NRXN3: variants seen among roughly 807,000 people sequenced by gnomAD.
NRXN3 encodes the protein neurexin III.
In NRXN3, 32 loss-of-function variants were observed where a neutral mutation model predicts 137.6. That is an observed-to-expected ratio of 0.23 (90% confidence interval 0.18 to 0.31). The LOEUF is 0.31. NRXN3 is among the 10% of genes least tolerant of loss of function. The probability of loss-of-function intolerance (pLI) is 1.00; values close to 1 mark genes in which losing one functional copy is unlikely to be tolerated. For missense variants in NRXN3, 1,574 were observed against 2,062.5 expected (o/e 0.76, Z 4.59); for synonymous variants, 798 against 784.5 (o/e 1.02, Z -0.29).
At chr14:78,234,045 C>T (rs1415713411) in intron 1 of NRXN3, among the ~76,000 whole-genome samples, 1 of 152,178 alleles carries the variant, frequency 6.6e-6, no homozygotes, top group African/African-American at 2.4e-5. Context: ...GAGTAGGTCT[C>T]ATGAGATATG....
chr14:78,996,441 T>G (rs2099530253), intron 15 of NRXN3, among the ~76,000 whole-genome samples: 1 of 152,214 alleles, frequency 6.6e-6, no homozygotes, highest in African/African-American at 2.4e-5. Flanking sequence ...TCTTAATGCC[T>G]CAGGGAAAGT....
At chr14:78,170,956 T>C (rs1460619487) in intron 1 of NRXN3, among the ~76,000 whole-genome samples, 1,155 of 71,362 alleles carry the variant, frequency 0.016, 9 homozygotes, top group African/African-American at 0.057. Context: ...CTTCTTCTTT[T>C]TTTTTTTTTT....
At chr14:79,574,432 T>C (rs1340364950) in intron 16 of NRXN3, among the ~76,000 whole-genome samples, 1 of 152,210 alleles carries the variant, frequency 6.6e-6, no homozygotes, top group African/African-American at 2.4e-5. Context: ...GTATTTATCT[T>C]TGTACTATTA....
chr14:79,077,356 C>T (rs1235185792), intron 15 of NRXN3, among the ~76,000 whole-genome samples: 2 of 152,146 alleles, frequency 1.3e-5, no homozygotes, highest in African/African-American at 4.8e-5. Flanking sequence ...GGGAAGTGTC[C>T]ACACGATGTT....
intron 16 of NRXN3, among the ~76,000 whole-genome samples, chr14:79,563,627 C>G (rs533417799): frequency 2.0e-5 from 3 of 150,474 alleles, no homozygotes; most frequent in Admixed American, 2.0e-4. Context: ...AAATAAATTC[C>G]TATTCTATCA....
intron 16 of NRXN3, among the ~76,000 whole-genome samples, chr14:79,470,733 G>C (rs1256655576): frequency 6.6e-6 from 1 of 152,134 alleles, no homozygotes; most frequent in Non-Finnish European, 1.5e-5. Context: ...TTGAATATGA[G>C]TGTTCTTTAT....
chr14:79,206,662 C>T (rs2066838020), intron 15 of NRXN3, among the ~76,000 whole-genome samples: 1 of 152,210 alleles, frequency 6.6e-6, no homozygotes, highest in Non-Finnish European at 1.5e-5. Flanking sequence ...TTGTCAATAA[C>T]ATCCCAGTGC....
At chr14:78,872,187 T>G (rs1480982966) in intron 10 of NRXN3, among the ~76,000 whole-genome samples, 1 of 150,186 alleles carries the variant, frequency 6.7e-6, no homozygotes, top group Non-Finnish European at 1.5e-5. Flanking sequence ...ATATCCTCAA[T>G]TTTATCTTCC....
At chr14:78,506,597 A>AT (rs1197428283) in intron 4 of NRXN3, among the ~76,000 whole-genome samples, 1 of 150,486 alleles carries the variant, frequency 6.6e-6, no homozygotes, top group African/African-American at 2.4e-5. Flanking sequence ...TTTTTGGATA[A>AT]TAACCACCCT....
rs1170094469 is a variant in NRXN3 at position 79,867,596 on chromosome 14, T to C, written c.*5632T>C. The C allele has an allele frequency of 1.3e-5, 2 of 152,172 alleles. No individual in the cohort carries two copies. The highest frequency in any genetic ancestry group is 3.8e-4 in the East Asian group (2 of 5,196). The allele number at this position is 152,172 out of a possible 1,614,324, so 9.4% of individuals were successfully genotyped here. A position where few individuals can be genotyped will look rare whatever the true frequency, so the allele number is the denominator to read the frequency against. The stretch of plus-strand genomic sequence containing the variant: ...ACTTCCTAAAGACACTACCTCCCAA[T>C]ACAGTCATGTTTGGGGTTGGGACTT... On this transcript the variant is annotated 3_prime_UTR_variant, in exon 21 of 21. Transcript: ENST00000335750.
chr14:79,483,933 T>G (rs1156547845), intron 16 of NRXN3, among the ~76,000 whole-genome samples: 2 of 152,240 alleles, frequency 1.3e-5, no homozygotes, highest in African/African-American at 2.4e-5. Flanking sequence ...ATTCACACTC[T>G]ACCATCTGGA....
At chr14:79,114,585 T>C (rs1045718314) in intron 15 of NRXN3, among the ~76,000 whole-genome samples, 2 of 152,248 alleles carry the variant, frequency 1.3e-5, no homozygotes, top group African/African-American at 4.8e-5. Context: ...TTACTTAAAA[T>C]AAACTATCAC....
At chr14:79,538,346 T>C (rs991405494) in intron 16 of NRXN3, among the ~76,000 whole-genome samples, 26 of 152,324 alleles carry the variant, frequency 1.7e-4, no homozygotes, top group African/African-American at 6.0e-4. Flanking sequence ...CTTTTTGTGT[T>C]TTAGACATGA....
chr14:79,413,360 T>C (rs2095446830), intron 15 of NRXN3, among the ~76,000 whole-genome samples: 1 of 152,184 alleles, frequency 6.6e-6, no homozygotes, highest in South Asian at 2.1e-4. Context: ...TCCTTCCATC[T>C]GTGCTGTTTG....
intron 16 of NRXN3, among the ~76,000 whole-genome samples, chr14:79,552,492 G>C (rs1197265656): frequency 6.6e-6 from 1 of 152,092 alleles, no homozygotes; most frequent in African/African-American, 2.4e-5. Context: ...GAAATAAACT[G>C]GAAATAGATT....
chr14:79,849,336 C>T (rs1263268178), intron 20 of NRXN3, among the ~76,000 whole-genome samples: 1 of 152,114 alleles, frequency 6.6e-6, no homozygotes, highest in Non-Finnish European at 1.5e-5. Flanking sequence ...TTGAGGAAAA[C>T]ATATTTGCAA....
At chr14:78,715,169 G>T in intron 8 of NRXN3, 30 bp downstream of exon 8, 1 of 1,589,090 alleles carries the variant, frequency 6.3e-7, no homozygotes. Context: ...GGCAAGTGAG[G>T]GCCTGAGTGG....
intron 16 of NRXN3, among the ~76,000 whole-genome samples, chr14:79,604,099 G>A (rs2097963961): frequency 6.6e-6 from 1 of 151,970 alleles, no homozygotes; most frequent in South Asian, 2.1e-4. Flanking sequence ...CACTGTGTTG[G>A]CCAGGCTGGT....
intron 4 of NRXN3, among the ~76,000 whole-genome samples, chr14:78,488,086 G>A (rs920931713): frequency 2.0e-5 from 3 of 152,128 alleles, no homozygotes; most frequent in African/African-American, 7.2e-5. Flanking sequence ...CTTACAGATG[G>A]CCATCTTTTT....
Sources: allele counts gnomAD v4.1 joint callset (sites outside exome capture counted in the v4.1 genomes callset), GRCh38; gene constraint gnomAD v4.1.1; transcripts MANE v1.5; gene names NCBI Gene and HGNC (gene_info 2026-07-23, HGNC 2026-07-21).